HSD17B12: variants seen among roughly 807,000 people sequenced by gnomAD.
HSD17B12 encodes the protein very-long-chain 3-oxoacyl-CoA reductase.
In HSD17B12, 32 loss-of-function variants were observed where a neutral mutation model predicts 39.3. That is an observed-to-expected ratio of 0.81 (90% CI 0.61 to 1.09). The LOEUF is 1.09. Among genes scored for constraint, HSD17B12 ranks in the 50% least tolerant of loss-of-function variants. The probability of loss-of-function intolerance (pLI) is 0.00; values close to 1 mark genes in which losing one functional copy is unlikely to be tolerated. For synonymous variants in HSD17B12, 150 were observed against 146.7 expected, an observed-to-expected ratio of 1.02 and a Z score of -0.16; for missense variants, 342 against 382.9, an observed-to-expected ratio of 0.89 and a Z score of 0.89.
chr11:43,635,910 T>C, the HSD17B12 span, among the ~76,000 whole-genome samples: 3 of 152,332 alleles, frequency 2.0e-5, no homozygotes, highest in East Asian at 5.8e-4. Flanking sequence ...TGTGTGTTTA[T>C]GTATTGCCAT....
At chr11:43,790,127 G>A (rs1254551538) in intron 3 of HSD17B12, among the ~76,000 whole-genome samples, 1 of 152,136 alleles carries the variant, frequency 6.6e-6, no homozygotes, top group Non-Finnish European at 1.5e-5. Flanking sequence ...GAGATGAAAA[G>A]TGAACTAAAA....
rs1951314395 is a variant in HSD17B12 at position 43,831,875 on chromosome 11, C to T, written c.536+865C>T. Among the ~76,000 whole-genome samples the T allele has an allele frequency of 6.6e-6, 1 of 152,126 alleles. No individual in the cohort carries two copies. The highest frequency in any genetic ancestry group is 2.1e-4 in the South Asian group (1 of 4,832). Reference sequence around the variant, plus strand: ...GACCTACTCCAGGCAGGGATTACAGCTTATGTTTATTGAGTATATAGTAAG... The same window carrying T: ...GACCTACTCCAGGCAGGGATTACAGTTTATGTTTATTGAGTATATAGTAAG... On this transcript the variant is annotated intron_variant, in intron 7 of 10. Transcript: ENST00000278353. This position sits in a 1 kb window ranked among gnomAD's most constrained non-coding sequence, Gnocchi z 4.1.
chr11:43,646,809 C>T, the HSD17B12 span, among the ~76,000 whole-genome samples: 6 of 152,172 alleles, frequency 3.9e-5, no homozygotes, highest in Non-Finnish European at 5.9e-5. Context: ...ATCCTTATCA[C>T]TCCAATTCTG....
intron 3 of HSD17B12, among the ~76,000 whole-genome samples, chr11:43,780,354 G>A (rs539687636): frequency 1.3e-5 from 2 of 152,146 alleles, no homozygotes; most frequent in Admixed American, 6.6e-5. Flanking sequence ...TTTTAGTACA[G>A]ACGGGGTTTC....
At chr11:43,731,314 T>C (rs1950265252) in intron 1 of HSD17B12, among the ~76,000 whole-genome samples, 3 of 152,188 alleles carry the variant, frequency 2.0e-5, no homozygotes, top group Admixed American at 2.0e-4. Context: ...TTAAACTGGA[T>C]GAATTAGGTT....
the HSD17B12 span, among the ~76,000 whole-genome samples, chr11:43,634,773 C>T: frequency 2.0e-5 from 3 of 152,078 alleles, no homozygotes; most frequent in Non-Finnish European, 2.9e-5. Context: ...AGCAGTTCAG[C>T]GAGGATATTA....
intron 8 of HSD17B12, among the ~76,000 whole-genome samples, chr11:43,839,044 G>A (rs544833029): frequency 2.6e-5 from 4 of 152,140 alleles, no homozygotes; most frequent in African/African-American, 7.2e-5. Context: ...GGTCAATGGC[G>A]TCATCTTCAG....
intron 3 of HSD17B12, among the ~76,000 whole-genome samples, chr11:43,797,405 T>G (rs1950924807): frequency 1.3e-5 from 2 of 152,226 alleles, no homozygotes; most frequent in Non-Finnish European, 2.9e-5. Context: ...CTTTATGGAC[T>G]GCCGTCTGCG....
At chr11:43,780,791 G>A (rs911737087) in intron 3 of HSD17B12, among the ~76,000 whole-genome samples, 6 of 152,030 alleles carry the variant, frequency 3.9e-5, no homozygotes, top group African/African-American at 1.4e-4. Context: ...GTTGCCTGTG[G>A]TACATCTTTT....
At position 43,712,994 on chromosome 11, in the gene HSD17B12, A is replaced by G. The variant is rs150349078; in HGVS notation, c.160+32007A>G. 3.2e-3 allele frequency among the ~76,000 whole-genome samples: 482 copies of G among 152,348 alleles called. 3 individuals carry two copies. Among genetic ancestry groups the G allele is most frequent in the African/African-American group, 0.011 (443 of 41,586 alleles). ...CTGTTTTCATTACTGCAGGCAGAGA[A>G]TCATATTAGAAAAATTCAGTAATTT... On this transcript the variant is annotated intron_variant, in intron 1 of 10. Coordinates refer to ENST00000278353, the MANE Select transcript of HSD17B12 (RefSeq NM_016142.3).
At chr11:43,672,391 G>A in the HSD17B12 span, among the ~76,000 whole-genome samples, 1 of 152,010 alleles carries the variant, frequency 6.6e-6, no homozygotes, top group African/African-American at 2.4e-5. Flanking sequence ...TCTAGAAACA[G>A]GCCTGCTGCA....
intron 1 of HSD17B12, among the ~76,000 whole-genome samples, chr11:43,749,470 T>G (rs879667464): frequency 6.6e-6 from 1 of 152,114 alleles, no homozygotes; most frequent in African/African-American, 2.4e-5. Flanking sequence ...GTAATAGTTA[T>G]GAATGAAGTG....
chr11:43,763,460 G>A (rs1950570076), intron 3 of HSD17B12, among the ~76,000 whole-genome samples: 1 of 151,916 alleles, frequency 6.6e-6, no homozygotes, highest in South Asian at 2.1e-4. Context: ...GAGGCGCATA[G>A]TAATTTTGAT....
At chr11:43,563,219 C>T in the HSD17B12 span, among the ~76,000 whole-genome samples, 2 of 152,176 alleles carry the variant, frequency 1.3e-5, no homozygotes, top group Non-Finnish European at 2.9e-5. Context: ...ACTAGATTCT[C>T]AGGATCCAGT....
intron 1 of HSD17B12, among the ~76,000 whole-genome samples, chr11:43,694,694 GA>G (rs976875029): frequency 3.3e-5 from 5 of 151,800 alleles, no homozygotes; most frequent in Admixed American, 3.3e-4. Context: ...TCTCAAAAAA[GA>G]AACATAAAAG....
At chr11:43,843,464 G>A (rs1423743864) in intron 9 of HSD17B12, among the ~76,000 whole-genome samples, 2 of 152,104 alleles carry the variant, frequency 1.3e-5, no homozygotes, top group Non-Finnish European at 2.9e-5. Context: ...GTCCTCCAGT[G>A]GCTGCCCATA....
chr11:43,735,861 T>G (rs1204975993), intron 1 of HSD17B12, among the ~76,000 whole-genome samples: 2 of 152,160 alleles, frequency 1.3e-5, no homozygotes, highest in Non-Finnish European at 2.9e-5. Context: ...ATGTCTTACC[T>G]GGTGGCAGGA....
rs11037683 is a variant in HSD17B12, at chr11:43,855,263, A to T, written c.*15A>T. On this transcript the variant is annotated 3_prime_UTR_variant, in exon 11 of 11. Transcript: ENST00000278353. ...AGAAGAACTAAGCATTGATAACTGC[A>T]TTGTAACTTGGCCAGATGCTCCAGC... 7 of 1,534,580 alleles carry T rather than the reference A, an allele frequency of 4.6e-6. No individual in the cohort carries two copies. Among genetic ancestry groups the T allele is most frequent in the South Asian group, 3.5e-5 (3 of 86,022 alleles).
the HSD17B12 span, among the ~76,000 whole-genome samples, chr11:43,619,240 TATAAA>T: frequency 7.8e-5 from 1 of 12,768 alleles, no homozygotes; most frequent in African/African-American, 1.3e-4. Flanking sequence ...TATATATATA[TATAAA>T]ATATATATAT....
Sources: allele counts gnomAD v4.1 joint callset (sites outside exome capture counted in the v4.1 genomes callset), GRCh38; gene constraint gnomAD v4.1.1; non-coding constraint Gnocchi (gnomAD v3.1); transcripts MANE v1.5; gene names NCBI Gene and HGNC (gene_info 2026-07-23, HGNC 2026-07-21).